PRKCH: variants seen among roughly 807,000 people sequenced by gnomAD.
PRKCH encodes the protein protein kinase C eta.
In PRKCH, 28 loss-of-function variants were observed where a neutral mutation model predicts 82.5. That is an observed-to-expected ratio of 0.34 (90% CI 0.25 to 0.47). PRKCH has a LOEUF of 0.47. Ranked by LOEUF, PRKCH falls within the 20% of genes least tolerant of loss-of-function variation. PRKCH has a pLI of 1.00. For missense variants in PRKCH, 705 were observed against 881.8 expected, an observed-to-expected ratio of 0.80 and a Z score of 2.54; for synonymous variants, 322 against 327.4, an observed-to-expected ratio of 0.98 and a Z score of 0.18.
intron 7 of PRKCH, among the ~76,000 whole-genome samples, chr14:61,454,098 T>C (rs908564173): frequency 2.6e-5 from 4 of 151,932 alleles, no homozygotes; most frequent in African/African-American, 9.7e-5. Context: ...CCTTTTTTTT[T>C]TCTTTTTTCT....
At chr14:61,314,650 G>C (rs535594150) in intron 1 of PRKCH, among the ~76,000 whole-genome samples, 43 of 152,300 alleles carry the variant, frequency 2.8e-4, no homozygotes. Flanking sequence ...GGACTTTTGA[G>C]GCAAATAGTC....
At chr14:61,470,669 C>T (rs943176647) in intron 9 of PRKCH, among the ~76,000 whole-genome samples, 11 of 152,132 alleles carry the variant, frequency 7.2e-5, no homozygotes, top group Non-Finnish European at 1.5e-4. Flanking sequence ...TTAGCTCACT[C>T]CTGCCCACTT....
Position 61,390,684 on chromosome 14 carries a change from A to G in PRKCH, c.364-541A>G, listed in dbSNP as rs1594653354. ...ACTACCTCTCTCTCTCAAAAAAAAA[A>G]GAGTAGTGAATGCAAGGCTCCTAAA... On this transcript the variant is annotated intron_variant, in intron 1 of 13. Transcript: ENST00000332981. The G allele has an allele frequency of 2.0e-5, 3 of 152,902 alleles. No homozygotes were observed. In the South Asian group the frequency reaches 6.2e-4, roughly 32 times the overall value. The allele number at this position is 152,902 out of a possible 1,614,324, so 9.5% of individuals were successfully genotyped here.
intron 1 of PRKCH, among the ~76,000 whole-genome samples, chr14:61,234,959 G>A (rs535396935): frequency 2.6e-5 from 4 of 152,290 alleles, no homozygotes; most frequent in East Asian, 1.9e-4. Context: ...CCCAGAAGAC[G>A]CTGGAGGAAT....
At chr14:61,328,666 G>C (rs2140124337) in intron 1 of PRKCH, among the ~76,000 whole-genome samples, 1 of 152,090 alleles carries the variant, frequency 6.6e-6, no homozygotes, top group East Asian at 1.9e-4. Flanking sequence ...GAGGTGCCTG[G>C]GATTTTTGGT....
At chr14:61,218,082 C>G (rs546382161) in intron 1 of PRKCH, among the ~76,000 whole-genome samples, 1 of 152,294 alleles carries the variant, frequency 6.6e-6, no homozygotes, top group East Asian at 1.9e-4. Flanking sequence ...ACCTTGACTT[C>G]TCTTTCATTT....
At chr14:61,500,842 C>T (rs895841250) in intron 10 of PRKCH, among the ~76,000 whole-genome samples, 5 of 152,022 alleles carry the variant, frequency 3.3e-5, no homozygotes, top group African/African-American at 1.2e-4. Flanking sequence ...AGAAAATCAC[C>T]TTTGGGTATG....
intron 1 of PRKCH, among the ~76,000 whole-genome samples, chr14:61,347,319 T>G (rs1278914865): frequency 6.6e-6 from 1 of 152,218 alleles, no homozygotes; most frequent in Non-Finnish European, 1.5e-5. Context: ...AGTTTGGATG[T>G]GCTGATAATT....
At chr14:61,284,206 C>G (rs191338713) in intron 1 of PRKCH, among the ~76,000 whole-genome samples, 3 of 152,284 alleles carry the variant, frequency 2.0e-5, no homozygotes, top group Admixed American at 1.3e-4. Context: ...ATTGGGCTCC[C>G]GCACCTCAGG....
At chr14:61,457,849 T>G (rs1884850013) in intron 9 of PRKCH, among the ~76,000 whole-genome samples, 170 bp downstream of exon 9, 1 of 152,122 alleles carries the variant, frequency 6.6e-6, no homozygotes, top group South Asian at 2.1e-4. Context: ...GGAGGAAAAA[T>G]GGAAGCTTAT....
At chr14:61,287,618 G>A (rs777093203) in intron 1 of PRKCH, among the ~76,000 whole-genome samples, 1 of 152,082 alleles carries the variant, frequency 6.6e-6, no homozygotes, top group African/African-American at 2.4e-5. Flanking sequence ...GCCGAGGCAT[G>A]AGAATTGCTT....
chr14:61,270,351 T>C (rs1256021232), intron 1 of PRKCH, among the ~76,000 whole-genome samples: 2 of 152,254 alleles, frequency 1.3e-5, no homozygotes, highest in South Asian at 2.1e-4. Context: ...ATGTCATGGC[T>C]TTGGTGCTAT....
upstream of PRKCH, among the ~76,000 whole-genome samples, chr14:61,319,927 T>A (rs1025021270): frequency 6.6e-6 from 1 of 152,256 alleles, no homozygotes; most frequent in Admixed American, 6.5e-5. Flanking sequence ...TCATTCTGTA[T>A]AGTGCTGTTA....
chr14:61,218,984 C>CTGA (rs1472905715), intron 1 of PRKCH, among the ~76,000 whole-genome samples: 1 of 152,234 alleles, frequency 6.6e-6, no homozygotes, highest in African/African-American at 2.4e-5. Flanking sequence ...GCAGGAGAAG[C>CTGA]TGACCCAGCT....
chr14:61,354,542 G>A (rs1304342968), intron 1 of PRKCH, among the ~76,000 whole-genome samples: 2 of 151,864 alleles, frequency 1.3e-5, no homozygotes, highest in African/African-American at 2.4e-5. Context: ...TTCTGAATGC[G>A]TGAGGAACTT....
intron 1 of PRKCH, among the ~76,000 whole-genome samples, chr14:61,354,235 A>G (rs969434099): frequency 6.6e-6 from 1 of 152,188 alleles, no homozygotes; most frequent in African/African-American, 2.4e-5. Flanking sequence ...AAAATGATCT[A>G]TATTATTCTT....
chr14:61,363,782 A>AC (rs2046261066), intron 1 of PRKCH, among the ~76,000 whole-genome samples: 1 of 151,796 alleles, frequency 6.6e-6, no homozygotes, highest in African/African-American at 2.4e-5. Flanking sequence ...GTCCAAGGGA[A>AC]CACCAGACAG....
chr14:61,440,459 ATC>A (rs577244561), intron 2 of PRKCH, among the ~76,000 whole-genome samples: 79 of 152,278 alleles, frequency 5.2e-4, no homozygotes, highest in African/African-American at 1.9e-3. Flanking sequence ...CTGTGCTGGA[ATC>A]TCTGAAGATG....
chr14:61,333,054 G>T (rs11844104), intron 1 of PRKCH, among the ~76,000 whole-genome samples: 1 of 152,282 alleles, frequency 6.6e-6, no homozygotes, highest in Non-Finnish European at 1.5e-5. Flanking sequence ...TTTGGGAAGC[G>T]CACCCAAAAG....
Sources: gnomAD v4.1 joint callset for allele counts (sites outside exome capture counted in the v4.1 genomes callset) on GRCh38, gnomAD v4.1.1 for gene constraint, MANE v1.5 for transcripts, NCBI Gene and HGNC (gene_info 2026-07-23, HGNC 2026-07-21) for gene names.